VWA5B1: variants seen among roughly 807,000 people sequenced by gnomAD.
The protein encoded by VWA5B1 is von Willebrand factor A domain containing 5B1, also known as von Willebrand factor A domain-containing protein 5B1.
In VWA5B1, 115 loss-of-function variants were observed where a neutral mutation model predicts 118.2. The ratio of observed to expected loss-of-function variants is 0.97; its 90% CI spans 0.84 to 1.14. The LOEUF is 1.14. VWA5B1 is among the 50% of genes most tolerant of loss of function. The probability of loss-of-function intolerance (pLI) is 0.00; values close to 1 mark genes in which losing one functional copy is unlikely to be tolerated. For synonymous variants in VWA5B1, 682 were observed against 658.4 expected, an observed-to-expected ratio of 1.04 and a Z score of -0.55; for missense variants, 1,596 against 1,603.8, an observed-to-expected ratio of 1.00 and a Z score of 0.08.
rs373781089 is a variant in VWA5B1 at position 20,353,883 on chromosome 1, C to T, written c.3268C>T (p.Arg1090Cys). The T allele has an allele frequency of 9.7e-6, 15 of 1,546,092 alleles. No homozygotes were observed. Among genetic ancestry groups the T allele is most frequent in the South Asian group, 4.8e-5 (4 of 82,884 alleles). Residue 1090 changes from arginine (R) to cysteine (C), a missense_variant, in exon 22 of 22, where the codon CGC becomes TGC. Arg to Cys is a radical substitution (Grantham distance 180, BLOSUM62 -3). Coordinates refer to ENST00000289815, the MANE Select transcript of VWA5B1 (RefSeq NM_001039500.3). ...CTGCCATCGAGTGTCCCTCACCACC[C>T]GCCCGTCTGAGTCCAAGACCCCGAG... ...FTCHRVSLTT[R>C]PSESKTPSPQ...
At chr1:20,320,719 A>G (rs1323257982) in intron 7 of VWA5B1, among the ~76,000 whole-genome samples, 1 of 152,258 alleles carries the variant, frequency 6.6e-6, no homozygotes, top group Non-Finnish European at 1.5e-5. Context: ...ACAGCTGCTA[A>G]GAAATGATGA....
At chr1:20,311,494 A>G (rs1231442117) in intron 2 of VWA5B1, among the ~76,000 whole-genome samples, 1 of 152,234 alleles carries the variant, frequency 6.6e-6, no homozygotes, top group Non-Finnish European at 1.5e-5. Flanking sequence ...GGCGGAGCAG[A>G]TGAGGTAATA....
intron 4 of VWA5B1, among the ~76,000 whole-genome samples, chr1:20,315,382 G>T (rs2088974101): frequency 6.6e-6 from 1 of 152,240 alleles, no homozygotes. Context: ...TTGACAGGAT[G>T]GGGAGGGGAA....
intron 18 of VWA5B1, 87 bp downstream of exon 18, chr1:20,348,445 C>G (rs1270665473): frequency 7.5e-7 from 1 of 1,339,676 alleles, no homozygotes; most frequent in Non-Finnish European, 1.0e-6. Context: ...TGTCCGAGGC[C>G]CTAGGACCAC....
In VWA5B1 at chr1:20,348,274, G is replaced by T. The variant is rs765346112; in HGVS notation, c.2794G>T (p.Ala932Ser). Residue 932 changes from alanine (A) to serine (S), a missense_variant, in exon 18 of 22, where the codon GCC becomes TCC. Transcript: ENST00000289815. Reference protein sequence around the residue: ...GAALRMLGSRALAQQWRGTSS... With the variant: ...GAALRMLGSRSLAQQWRGTSS... ...TGCCCTGCGTATGCTTGGCTCTCGG[G>T]CCCTGGCCCAACAGTGGAGGGGCAC... 6 of 1,551,672 alleles carry T rather than the reference G, an allele frequency of 3.9e-6. No individual in the cohort carries two copies. In the South Asian group the frequency reaches 7.1e-5, roughly 18 times the overall value.
At position 20,357,063 on chromosome 1, in the gene VWA5B1, C is replaced by T. The variant is rs1431615778; in HGVS notation, c.*2800C>T. ...GTTTAACTTGCTAAACCAGCCCTTG[C>T]TTTCTAGGTCATACAAAGGAATATT... On this transcript the variant is annotated 3_prime_UTR_variant, in exon 22 of 22. Coordinates refer to ENST00000289815, the MANE Select transcript of VWA5B1 (RefSeq NM_001039500.3). Among the ~76,000 whole-genome samples, 2 of 152,228 alleles carry T rather than the reference C, an allele frequency of 1.3e-5. No individual in the cohort carries two copies. Among genetic ancestry groups the T allele is most frequent in the African/African-American group, 4.8e-5 (2 of 41,462 alleles).
rs184850169 is a variant in VWA5B1, at chr1:20,295,782, C to T, written c.-27+4694C>T. On this transcript the variant is annotated intron_variant, in intron 1 of 21. Coordinates refer to ENST00000289815, the MANE Select transcript of VWA5B1 (RefSeq NM_001039500.3). Reference sequence around the variant, plus strand: ...CAGGAGATGGGTCTACCTGGTTCGCCGTAGTGTCCCCCCTTCCTTATTCAG... The same window carrying T: ...CAGGAGATGGGTCTACCTGGTTCGCTGTAGTGTCCCCCCTTCCTTATTCAG... 6.9e-3 allele frequency among the ~76,000 whole-genome samples: 1,055 copies of T among 152,208 alleles called. 5 individuals carry two copies. Among genetic ancestry groups the T allele is most frequent in the Admixed American group, 0.014 (220 of 15,284 alleles).
chr1:20,343,501 G>C (rs1207769181), intron 16 of VWA5B1, 108 bp downstream of exon 16: 4 of 1,309,680 alleles, frequency 3.1e-6, no homozygotes, highest in Non-Finnish European at 3.8e-6. Context: ...TCTCAGCCCC[G>C]CGTGGTCCGC....
Position 20,330,168 on chromosome 1 carries a change from G to A in VWA5B1, c.1255-12G>A. The A allele has an allele frequency of 1.3e-6, 2 of 1,551,746 alleles. No homozygotes were observed. The highest frequency in any genetic ancestry group is 1.7e-6 in the Non-Finnish European group (2 of 1,147,010). ...CATACGGTGACACTGGGGACTGTCT[G>A]CTTCTCTGCAGGACAGCTTGGCCAT... is the stretch of plus-strand genomic sequence containing the variant. On this transcript the variant is annotated splice_polypyrimidine_tract_variant and intron_variant, in intron 9 of 21. Transcript: ENST00000289815.
At chr1:20,323,120 G>A (rs536089592) in intron 7 of VWA5B1, 135 of 355,630 alleles carry the variant, frequency 3.8e-4, no homozygotes, top group African/African-American at 2.3e-3. Context: ...TCACACAGTC[G>A]GATGGTGACA....
chr1:20,355,808 C>G lies in VWA5B1; in HGVS notation c.*1545C>G, dbSNP rs2090219794. 6.6e-6 allele frequency among the ~76,000 whole-genome samples: 1 copy of G among 151,732 alleles called. No individual in the cohort carries two copies. The highest frequency in any genetic ancestry group is 6.6e-5 in the Admixed American group (1 of 15,256). ...GATATGGTGCCCTGCCCCCCACCCC[C>G]ACCCCTCCATCTATGCCACAAGTCT... On this transcript the variant is annotated 3_prime_UTR_variant, in exon 22 of 22. Coordinates refer to ENST00000289815, the MANE Select transcript of VWA5B1 (RefSeq NM_001039500.3).
rs76581761 is a variant in VWA5B1 at position 20,345,981 on chromosome 1, T to C, written c.2764+388T>C. 4.0e-3 allele frequency among the ~76,000 whole-genome samples: 606 copies of C among 152,304 alleles called. 1 individual carries two copies. Among genetic ancestry groups the C allele is most frequent in the Middle Eastern group, 0.01 (3 of 294 alleles). The stretch of plus-strand genomic sequence containing the variant: ...GTCACCCACTTGGTGTGACCATCCT[T>C]CCAGACTTCTCTCTATGGATATCAG... On this transcript the variant is annotated intron_variant, in intron 17 of 21. Coordinates refer to ENST00000289815, the MANE Select transcript of VWA5B1 (RefSeq NM_001039500.3).
At chr1:20,312,798 C>T in intron 2 of VWA5B1, 38 bp from the exon 3 acceptor site, 1 of 1,526,968 alleles carries the variant, frequency 6.5e-7, no homozygotes, top group Non-Finnish European at 8.8e-7. Flanking sequence ...GCAGGGTAGG[C>T]CTGGGGCACC....
In VWA5B1 at chr1:20,350,926, G is replaced by C; in HGVS notation, c.3023G>C (p.Trp1008Ser). ...GCCTCAGAGAATCTCTTTGGATCCTGGTAGGTGGGATTTCCAATAAAGGTA... is the reference window on the plus strand; with the variant it reads ...GCCTCAGAGAATCTCTTTGGATCCTCGTAGGTGGGATTTCCAATAAAGGTA... ...MKASENLFGS[W>S]LNLNKSRLLT... The change falls in exon 20 of 22, where the codon TGG becomes TCG. Residue 1008 changes from tryptophan (W) to serine (S), a missense_variant and splice_region_variant. Coordinates refer to ENST00000289815, the MANE Select transcript of VWA5B1 (RefSeq NM_001039500.3). 1 of 1,551,822 alleles carries C rather than the reference G, an allele frequency of 6.4e-7. No individual in the cohort carries two copies. Among genetic ancestry groups the C allele is most frequent in the Non-Finnish European group, 8.7e-7 (1 of 1,146,990 alleles).
rs1472150684 is a variant in VWA5B1 at position 20,330,275 on chromosome 1, G to A, written c.1350G>A (p.Gln450=). The change falls in exon 10 of 22, where the codon CAG becomes CAA. Residue 450 remains glutamine (Q), a synonymous_variant. Coordinates refer to ENST00000289815, the MANE Select transcript of VWA5B1 (RefSeq NM_001039500.3). ...ILSPLKWVIR[Q]PVHRGHPRLL... Reference sequence around the variant, plus strand: ...CCCCTCTCAAGTGGGTCATCAGGCAGCCAGTGCACCGAGGCCACCCGCGGC... The same window carrying A: ...CCCCTCTCAAGTGGGTCATCAGGCAACCAGTGCACCGAGGCCACCCGCGGC... 6.4e-7 allele frequency: 1 copy of A among 1,551,816 alleles called. No individual in the cohort carries two copies. The highest frequency in any genetic ancestry group is 2.4e-5 in the East Asian group (1 of 40,918).
intron 1 of VWA5B1, among the ~76,000 whole-genome samples, chr1:20,295,521 G>A (rs988625494): frequency 1.1e-4 from 16 of 152,152 alleles, no homozygotes; most frequent in African/African-American, 3.4e-4. Flanking sequence ...TTGCTAGATC[G>A]TGCCTTGTGA....
At chr1:20,326,237 G>A (rs1189879922) in intron 8 of VWA5B1, among the ~76,000 whole-genome samples, 1 of 152,160 alleles carries the variant, frequency 6.6e-6, no homozygotes, top group Non-Finnish European at 1.5e-5. Context: ...TGGGGTGTGA[G>A]TATGTGGAGC....
At position 20,332,860 on chromosome 1, in the gene VWA5B1, C is replaced by T. The variant is rs1351503817; in HGVS notation, c.1667C>T (p.Pro556Leu). 8 of 1,551,752 alleles carry T rather than the reference C, an allele frequency of 5.2e-6. No individual in the cohort carries two copies. In the African/African-American group the frequency reaches 9.6e-5, roughly 19 times the overall value. Residue 556 changes from proline to leucine, a missense_variant, in exon 12 of 22, where the codon CCC (proline) becomes CTC (leucine). By Grantham distance (98) the Pro-to-Leu change is moderately conservative. Coordinates refer to ENST00000289815, the MANE Select transcript of VWA5B1 (RefSeq NM_001039500.3). ...FPETTEVLVS[P>L]VSASSLFPGE... ...GAGACCACTGAGGTCCTGGTCTCAC[C>T]CGTCAGCGCCAGCTCCCTCTTCCCT...
chr1:20,342,752 C>A, intron 15 of VWA5B1, 143 bp downstream of exon 15: 1 of 1,117,052 alleles, frequency 9.0e-7, no homozygotes, highest in Non-Finnish European at 1.2e-6. Context: ...CTCTGAGGAC[C>A]TCACCAATCC....
Sources: gnomAD v4.1 joint callset for allele counts (sites outside exome capture counted in the v4.1 genomes callset) on GRCh38, gnomAD v4.1.1 for gene constraint, MANE v1.5 for transcripts, NCBI Gene and HGNC (gene_info 2026-07-23, HGNC 2026-07-21) for gene names.